LMBR1: variants seen among roughly 807,000 people sequenced by gnomAD.
LMBR1 encodes limb development membrane protein 1.
A neutral mutation model predicts 73.9 loss-of-function variants in LMBR1; 52 were observed. The ratio of observed to expected loss-of-function variants is 0.70; its 90% CI spans 0.56 to 0.89. The LOEUF (loss-of-function observed/expected upper bound fraction) is 0.89, where lower values mean the gene tolerates loss of function less well. LMBR1 is among the 40% of genes least tolerant of loss of function. LMBR1 has a pLI of 0.00. For missense variants in LMBR1, 539 were observed against 579.8 expected, an observed-to-expected ratio of 0.93 and a Z score of 0.72; for synonymous variants, 215 against 209.4, an observed-to-expected ratio of 1.03 and a Z score of -0.23.
At chr7:156,862,201 G>A (rs993361221) in intron 1 of LMBR1, among the ~76,000 whole-genome samples, 8 of 152,218 alleles carry the variant, frequency 5.3e-5, no homozygotes, top group Non-Finnish European at 1.0e-4. Context: ...CAGCAAGAAG[G>A]AGCAAGTCAC....
intron 10 of LMBR1, among the ~76,000 whole-genome samples, chr7:156,730,312 T>C (rs1470807535): frequency 6.6e-6 from 1 of 152,220 alleles, no homozygotes; most frequent in Non-Finnish European, 1.5e-5. Flanking sequence ...AAGCAAAGCT[T>C]CTGTCAGGCT....
chr7:156,817,298 TA>T (rs1160894395), intron 4 of LMBR1, among the ~76,000 whole-genome samples: 22 of 152,302 alleles, frequency 1.4e-4, no homozygotes, highest in African/African-American at 5.3e-4. Flanking sequence ...CCATACTCAA[TA>T]ATTTCCAAAA....
intron 1 of LMBR1, among the ~76,000 whole-genome samples, chr7:156,848,909 C>T (rs1025488222): frequency 8.1e-5 from 11 of 135,398 alleles, no homozygotes; most frequent in Non-Finnish European, 1.2e-4. Context: ...GCAGCCTGGG[C>T]GACAAAGCAA....
At chr7:156,726,288 A>G (rs1013270102) in intron 12 of LMBR1, among the ~76,000 whole-genome samples, 2 of 152,216 alleles carry the variant, frequency 1.3e-5, no homozygotes, top group African/African-American at 2.4e-5. Flanking sequence ...GTAGAAAGAG[A>G]GTAAATGTGC....
chr7:156,828,618 T>G (rs1168907715), intron 3 of LMBR1, among the ~76,000 whole-genome samples: 1 of 152,170 alleles, frequency 6.6e-6, no homozygotes, highest in Admixed American at 6.5e-5. Flanking sequence ...AAAAGCCATA[T>G]CTACAGATCA....
At chr7:156,861,201 G>A (rs970610074) in intron 1 of LMBR1, among the ~76,000 whole-genome samples, 2 of 152,214 alleles carry the variant, frequency 1.3e-5, no homozygotes, top group Non-Finnish European at 2.9e-5. Context: ...TGAAATCTAG[G>A]TGGAAATTCC....
intron 1 of LMBR1, among the ~76,000 whole-genome samples, chr7:156,864,858 C>T (rs1437838752): frequency 6.6e-6 from 1 of 151,696 alleles, no homozygotes; most frequent in African/African-American, 2.4e-5. Flanking sequence ...TAGCCAGGCA[C>T]GGTGGTGGGT....
At position 156,690,549 on chromosome 7, in the gene LMBR1, T is replaced by C. The variant is rs112231363; in HGVS notation, c.1226-2358A>G. 6.0e-3 allele frequency among the ~76,000 whole-genome samples: 917 copies of C among 152,322 alleles called. 20 individuals carry two copies. In the South Asian group the frequency reaches 0.079, roughly 13 times the overall value. On this transcript the variant is annotated intron_variant, in intron 15 of 16. Transcript: ENST00000353442. ...AACGGGAAAGTGCTTTCACTAGAACTTCTTAGTGGACTCAACTTGGTATCT... is the reference window on the plus strand; with the variant it reads ...AACGGGAAAGTGCTTTCACTAGAACCTCTTAGTGGACTCAACTTGGTATCT...
intron 5 of LMBR1, among the ~76,000 whole-genome samples, chr7:156,767,831 ACTGT>A (rs995476365): frequency 3.3e-5 from 5 of 152,172 alleles, no homozygotes; most frequent in Non-Finnish European, 7.4e-5. Context: ...AACACAATTA[ACTGT>A]CTAAGACCTA....
At chr7:156,873,701 C>T (rs1252949252) in intron 1 of LMBR1, among the ~76,000 whole-genome samples, 3 of 152,014 alleles carry the variant, frequency 2.0e-5, no homozygotes, top group South Asian at 2.1e-4. Context: ...TACAGAGTGT[C>T]GATTGGTGCA....
In LMBR1 at chr7:156,762,209, A is replaced by G. The variant is rs1172781896; in HGVS notation, c.620-11T>C. On this transcript the variant is annotated splice_polypyrimidine_tract_variant and intron_variant, in intron 7 of 16. Transcript: ENST00000353442. ...CAACTGGTGTACACACTGCAGAAAT[A>G]AGATCACCAAAAGACAGAAAGCGAC... The G allele has an allele frequency of 1.3e-6, 2 of 1,595,510 alleles. No individual in the cohort carries two copies. The highest frequency in any genetic ancestry group is 1.1e-5 in the South Asian group (1 of 90,156).
At chr7:156,892,851 ACCGGGGG>A (rs1161144959) in intron 1 of LMBR1, 70 bp downstream of exon 1, 12 of 1,059,486 alleles carry the variant, frequency 1.1e-5, no homozygotes, top group African/African-American at 1.9e-5. Context: ...GGGTCCGGGG[ACCGGGGG>A]CCCGGGGGCG....
intron 16 of LMBR1, 49 bp downstream of exon 16, chr7:156,687,981 A>C (rs751907430): frequency 1.3e-5 from 19 of 1,480,748 alleles, no homozygotes; most frequent in East Asian, 2.3e-5. Flanking sequence ...TCAAATGTCA[A>C]AATTATTTAG....
intron 1 of LMBR1, among the ~76,000 whole-genome samples, chr7:156,882,513 C>A (rs1012129250): frequency 2.0e-5 from 3 of 152,090 alleles, no homozygotes; most frequent in Non-Finnish European, 4.4e-5. Context: ...AAAAGAGAGT[C>A]ACAAGAAGAC....
chr7:156,726,876 C>T (rs1053415326), intron 12 of LMBR1, among the ~76,000 whole-genome samples: 1 of 152,052 alleles, frequency 6.6e-6, no homozygotes, highest in African/African-American at 2.4e-5. Flanking sequence ...CACGAGGACA[C>T]CGAGAAGAAT....
At chr7:156,825,605 T>C (rs1006277851) in intron 4 of LMBR1, among the ~76,000 whole-genome samples, 1 of 152,204 alleles carries the variant, frequency 6.6e-6, no homozygotes, top group Non-Finnish European at 1.5e-5. Flanking sequence ...AAAAGAATTA[T>C]GCCAGCATGT....
rs187572281 is a variant in LMBR1, at chr7:156,775,002, T to A, written c.424-11207A>T. Among the ~76,000 whole-genome samples the A allele has an allele frequency of 5.6e-4, 85 of 152,248 alleles. 1 individual carries two copies. The East Asian group carries it at 9.1e-3, about 16-fold the overall frequency. ...ACGAAAAGAAGGGAACAACAGACAC[T>A]GGGGCCTACTTGAAGGTGGACGGTG... is the stretch of plus-strand genomic sequence containing the variant. On this transcript the variant is annotated intron_variant, in intron 5 of 16. Coordinates refer to ENST00000353442, the MANE Select transcript of LMBR1 (RefSeq NM_022458.4).
intron 8 of LMBR1, among the ~76,000 whole-genome samples, chr7:156,761,288 C>T (rs1024698054): frequency 3.9e-5 from 6 of 152,094 alleles, no homozygotes; most frequent in Admixed American, 2.6e-4. Context: ...GCTAAGAAAT[C>T]GTTTTTATAT....
At chr7:156,707,375 A>C (rs994504717) in intron 15 of LMBR1, among the ~76,000 whole-genome samples, 1 of 152,212 alleles carries the variant, frequency 6.6e-6, no homozygotes, top group Non-Finnish European at 1.5e-5. Flanking sequence ...AATTCTTCCT[A>C]AGTCATTCTA....
Sources: allele counts gnomAD v4.1 joint callset (sites outside exome capture counted in the v4.1 genomes callset), GRCh38; gene constraint gnomAD v4.1.1; transcripts MANE v1.5; gene names NCBI Gene and HGNC (gene_info 2026-07-23, HGNC 2026-07-21).